Variants in CMIP observed in about 807,000 individuals in gnomAD.
The protein encoded by CMIP is C-Maf-inducing protein.
Under a neutral mutation model 97.3 loss-of-function variants are expected in CMIP, and 13 were observed. The ratio of observed to expected loss-of-function variants is 0.13; its 90% CI spans 0.09 to 0.21. The LOEUF is 0.21. Among genes scored for constraint, CMIP ranks in the 10% least tolerant of loss-of-function variants. The pLI, the probability that CMIP is intolerant of heterozygous loss-of-function variation, is 1.00. For missense variants in CMIP, 847 were observed against 1,024.9 expected (o/e 0.83, Z 2.37); for synonymous variants, 538 against 436.3 (o/e 1.23, Z -2.91).
intron 2 of CMIP, among the ~76,000 whole-genome samples, chr16:81,612,392 G>A (rs913842228): frequency 2.0e-5 from 3 of 152,138 alleles, no homozygotes; most frequent in Admixed American, 6.5e-5. Flanking sequence ...TGCAGGAGGC[G>A]GGGCAACTGT....
chr16:81,684,247 G>T (rs1015119601), intron 10 of CMIP, among the ~76,000 whole-genome samples: 1 of 152,238 alleles, frequency 6.6e-6, no homozygotes, highest in African/African-American at 2.4e-5. Flanking sequence ...AACAGCCACT[G>T]TTTCTCAGCC....
chr16:81,634,349 C>T (rs908200173), intron 3 of CMIP, among the ~76,000 whole-genome samples: 5 of 152,228 alleles, frequency 3.3e-5, no homozygotes, highest in African/African-American at 1.2e-4. Flanking sequence ...CTCAGATTAA[C>T]CTTCTCATGC....
intron 2 of CMIP, among the ~76,000 whole-genome samples, chr16:81,609,476 G>A (rs74031219): frequency 0.044 from 6,631 of 152,304 alleles, 326 homozygotes; most frequent in East Asian, 0.21. Context: ...TGTAGTCACA[G>A]AGCTTTGAGG....
intron 1 of CMIP, among the ~76,000 whole-genome samples, chr16:81,500,124 C>G (rs2089569849): frequency 6.6e-6 from 1 of 152,160 alleles, no homozygotes; most frequent in Admixed American, 6.5e-5. Flanking sequence ...CCTGCCAGCC[C>G]CAGCCTCTGG....
rs62043834 is a variant in CMIP, at chr16:81,652,710, C to T, written c.639+346C>T. Among the ~76,000 whole-genome samples the T allele has an allele frequency of 0.17, 26,394 of 152,126 alleles. 2,639 individuals are homozygous for T. The highest frequency in any genetic ancestry group is 0.23 in the Admixed American group (3,443 of 15,290). On this transcript the variant is annotated intron_variant, in intron 4 of 20. Transcript: ENST00000537098. The surrounding 1 kb of genome is among the most constrained non-coding windows in gnomAD (Gnocchi z 5.2). ...GGATTCAGCTTTCTGCCCTCGTCAC[C>T]CCACAAAGCCTGTAGATGTGCTCTG...
intron 3 of CMIP, among the ~76,000 whole-genome samples, chr16:81,644,881 C>T (rs1182241343): frequency 6.6e-6 from 1 of 152,216 alleles, no homozygotes; most frequent in Non-Finnish European, 1.5e-5. Flanking sequence ...GGGCCCTTTC[C>T]TCGGGCCGAA....
At chr16:81,459,646 A>G (rs540165008) in intron 1 of CMIP, among the ~76,000 whole-genome samples, 2 of 152,252 alleles carry the variant, frequency 1.3e-5, no homozygotes, top group African/African-American at 4.8e-5. Flanking sequence ...CCCCTGACGC[A>G]TGCACTGCCT....
chr16:81,484,618 G>A (rs1380564682), intron 1 of CMIP, among the ~76,000 whole-genome samples: 1 of 152,104 alleles, frequency 6.6e-6, no homozygotes, highest in Non-Finnish European at 1.5e-5. Flanking sequence ...ATCATCTCCG[G>A]CTCTCTGCTG....
intron 14 of CMIP, chr16:81,698,023 G>A (rs907932924): frequency 1.5e-5 from 2 of 130,786 alleles, no homozygotes; most frequent in Admixed American, 1.7e-4. Flanking sequence ...CCTACAATGT[G>A]AGGATTCGGT....
chr16:81,699,109 C>T (rs1371128422), intron 14 of CMIP, among the ~76,000 whole-genome samples: 1 of 152,010 alleles, frequency 6.6e-6, no homozygotes, highest in Non-Finnish European at 1.5e-5. Context: ...ATAAATTAGC[C>T]AGGTATGGTG....
intron 7 of CMIP, among the ~76,000 whole-genome samples, chr16:81,667,864 A>G (rs185681711): frequency 6.5e-5 from 9 of 137,978 alleles, no homozygotes; most frequent in African/African-American, 2.2e-4. Flanking sequence ...CAGTGCGTGC[A>G]TTTTTCTGAA....
chr16:81,529,259 C>T (rs2090187132), intron 1 of CMIP, among the ~76,000 whole-genome samples: 1 of 151,834 alleles, frequency 6.6e-6, no homozygotes, highest in Admixed American at 6.6e-5. Flanking sequence ...TTGGGATGGG[C>T]CCGTGAGGGA....
chr16:81,670,508 G>A (rs983201657), intron 8 of CMIP, among the ~76,000 whole-genome samples: 3 of 151,684 alleles, frequency 2.0e-5, no homozygotes, highest in African/African-American at 7.3e-5. Flanking sequence ...TGGTCCCAGA[G>A]CGTCATCGTC....
In CMIP at chr16:81,654,249, A is replaced by ATTG. The variant is rs566455001; in HGVS notation, c.639+1887_639+1888insGTT. ...CTTGGGCTTTATTATTATTATTATT[A>ATTG]TTATTAACAATGGGGTCTCACTGTG... On this transcript the variant is annotated intron_variant, in intron 4 of 20. Coordinates refer to ENST00000537098, the MANE Select transcript of CMIP (RefSeq NM_198390.3). Among the ~76,000 whole-genome samples, 10 of 151,688 alleles carry ATTG rather than the reference A, an allele frequency of 6.6e-5. No individual in the cohort carries two copies. In the South Asian group the frequency reaches 2.1e-3, roughly 32 times the overall value.
chr16:81,578,759 A>G (rs73596494), intron 1 of CMIP, among the ~76,000 whole-genome samples: 10,387 of 152,300 alleles, frequency 0.068, 718 homozygotes, highest in African/African-American at 0.17. Flanking sequence ...ATGGCCTGGA[A>G]GCAGCCAACA....
intron 1 of CMIP, among the ~76,000 whole-genome samples, chr16:81,514,629 A>G (rs1203816548): frequency 2.0e-5 from 3 of 152,196 alleles, no homozygotes; most frequent in Non-Finnish European, 2.9e-5. Flanking sequence ...GTTGCGGTCA[A>G]TCGCGGTGGC....
intron 9 of CMIP, among the ~76,000 whole-genome samples, chr16:81,673,861 A>G (rs1384397107): frequency 6.6e-6 from 1 of 152,222 alleles, no homozygotes; most frequent in Non-Finnish European, 1.5e-5. Flanking sequence ...CACAACTCCA[A>G]GGAGACCAAC....
In CMIP at chr16:81,652,823, A is replaced by G. The variant is rs979714139; in HGVS notation, c.639+459A>G. On this transcript the variant is annotated intron_variant, in intron 4 of 20. Coordinates refer to ENST00000537098, the MANE Select transcript of CMIP (RefSeq NM_198390.3). The surrounding 1 kb of genome is among the most constrained non-coding windows in gnomAD (Gnocchi z 5.2). ...CTCTTTAAAAACAATCAGAAAATCCAGCCGCGGTTTGCAGCTGGTGCTACC... is the reference window on the plus strand; with the variant it reads ...CTCTTTAAAAACAATCAGAAAATCCGGCCGCGGTTTGCAGCTGGTGCTACC... Among the ~76,000 whole-genome samples, 7 of 152,138 alleles carry G rather than the reference A, an allele frequency of 4.6e-5. No homozygotes were observed. Among genetic ancestry groups the G allele is most frequent in the Admixed American group, 2.6e-4 (4 of 15,282 alleles).
At position 81,693,507 on chromosome 16, in the gene CMIP, A is replaced by C; in HGVS notation, c.1530+20A>C. On this transcript the variant is annotated intron_variant, in intron 13 of 20. Transcript: ENST00000537098. ...CAAGAGGTGAGGCCTTTGTTTCTGCATCTCAGGCCGGCTGTCTGGGGATGG... is the reference window on the plus strand; with the variant it reads ...CAAGAGGTGAGGCCTTTGTTTCTGCCTCTCAGGCCGGCTGTCTGGGGATGG... 6.2e-7 allele frequency: 1 copy of C among 1,607,418 alleles called. No homozygotes were observed. Among genetic ancestry groups the C allele is most frequent in the Non-Finnish European group, 8.5e-7 (1 of 1,176,104 alleles).
Sources: gnomAD v4.1 joint callset for allele counts (sites outside exome capture counted in the v4.1 genomes callset) on GRCh38, gnomAD v4.1.1 for gene constraint, Gnocchi (gnomAD v3.1) non-coding constraint, MANE v1.5 for transcripts, NCBI Gene and HGNC (gene_info 2026-07-23, HGNC 2026-07-21) for gene names.